The following CTTN variants were observed in gnomAD, a reference collection of about 807,000 sequenced individuals.
CTTN encodes src substrate cortactin.
CTTN carries 28 observed loss-of-function variants against 84.0 expected under a neutral mutation model. The observed-to-expected ratio is 0.33, with a 90% CI of 0.25 to 0.46. CTTN has a LOEUF of 0.46. Among genes scored for constraint, CTTN ranks in the 20% least tolerant of loss-of-function variants. The pLI, the probability that CTTN is intolerant of heterozygous loss-of-function variation, is 1.00. For missense variants in CTTN, 641 were observed against 723.8 expected, an observed-to-expected ratio of 0.89 and a Z score of 1.31; for synonymous variants, 301 against 288.8, an observed-to-expected ratio of 1.04 and a Z score of -0.43.
Position 70,435,474 on chromosome 11 carries a change from A to T in CTTN, c.*312A>T, listed in dbSNP as rs2058407250. 3.9e-6 allele frequency: 6 copies of T among 1,546,056 alleles called. No individual in the cohort carries two copies. In the East Asian group the frequency reaches 1.4e-4, roughly 37 times the overall value. ...TGACTGTCACGCGGCAGCTTCAGGG[A>T]GCTCGCATTCTCTTGTGTTCGTGTT... On this transcript the variant is annotated 3_prime_UTR_variant, in exon 18 of 18. Transcript: ENST00000301843.
chr11:70,435,762 C>T lies in CTTN; in HGVS notation c.*600C>T, dbSNP rs1052073172. On this transcript the variant is annotated 3_prime_UTR_variant, in exon 18 of 18. Coordinates refer to ENST00000301843, the MANE Select transcript of CTTN (RefSeq NM_005231.4). ...AGGATCAGGTGACTTCTAGCAGAGA[C>T]CCTGGTTTTTTTCCTGTGCCCACTC... 6.3e-7 allele frequency: 1 copy of T among 1,596,046 alleles called. No homozygotes were observed. Among genetic ancestry groups the T allele is most frequent in the Non-Finnish European group, 8.5e-7 (1 of 1,179,084 alleles).
rs771981193 is a variant in CTTN, at chr11:70,429,071, A to G, written c.1048A>G (p.Ile350Val). 3.1e-6 allele frequency: 5 copies of G among 1,614,122 alleles called. No individual in the cohort carries two copies. The highest frequency in any genetic ancestry group is 4.2e-6 in the Non-Finnish European group (5 of 1,180,056). Reference sequence around the variant, plus strand: ...TATAGTGACCAGCAAAACAAGTAACATCAGAGCTAACTTTGAAAACCTCGC... The same window carrying G: ...TATAGTGACCAGCAAAACAAGTAACGTCAGAGCTAACTTTGAAAACCTCGC... ...VEAVTSKTSN[I>V]RANFENLAKE... The change falls in exon 14 of 18, where the codon ATC (isoleucine) becomes GTC (valine). Residue 350 changes from isoleucine to valine, a missense_variant. Physicochemically the swap from Ile to Val is conservative, Grantham distance 29. This residue lies in a region of CTTN where 289 missense variants were observed against 273.1 expected (regional missense o/e 1.06). Coordinates refer to ENST00000301843, the MANE Select transcript of CTTN (RefSeq NM_005231.4).
intron 5 of CTTN, chr11:70,410,335 G>T: frequency 5.0e-6 from 1 of 200,232 alleles, no homozygotes; most frequent in Non-Finnish European, 1.0e-5. Context: ...GAAGACCAAA[G>T]TCAAATCTGT....
Position 70,435,802 on chromosome 11 carries a change from C to A in CTTN, c.*640C>A, listed in dbSNP as rs1320751798. On this transcript the variant is annotated 3_prime_UTR_variant, in exon 18 of 18. Transcript: ENST00000301843. ...TGTGCCCACTCCGGCTTGTCCTCAT[C>A]TCTACCCATCCCCTGATGCCCAGGT... 6.4e-7 allele frequency: 1 copy of A among 1,571,814 alleles called. No homozygotes were observed. The highest frequency in any genetic ancestry group is 8.6e-7 in the Non-Finnish European group (1 of 1,167,048).
intron 4 of CTTN, 174 bp downstream of exon 4, chr11:70,407,765 T>C (rs2058059645): frequency 1.7e-6 from 1 of 597,664 alleles, no homozygotes; most frequent in Non-Finnish European, 2.9e-6. Context: ...TGTGTATTTG[T>C]GTAATGTGTG....
At chr11:70,411,571 T>G (rs1400034141) in intron 5 of CTTN, among the ~76,000 whole-genome samples, 2 of 152,238 alleles carry the variant, frequency 1.3e-5, no homozygotes, top group African/African-American at 4.8e-5. Context: ...ACATTTATTC[T>G]AAAAATGGGG....
intron 6 of CTTN, 127 bp downstream of exon 6, chr11:70,414,779 G>A: frequency 1.5e-6 from 1 of 652,510 alleles, no homozygotes; most frequent in Non-Finnish European, 2.7e-6. Context: ...CTGCAGAGAG[G>A]GGCATCTGCC....
In CTTN at chr11:70,421,477, G is replaced by A; in HGVS notation, c.798G>A (p.Lys266=). Reference sequence around the variant, plus strand: ...TTGCTTGTGGATTTTCAGATTATAAGACTGGTTTTGGAGGCAAATTCGGTG... The same window carrying A: ...TTGCTTGTGGATTTTCAGATTATAAAACTGGTTTTGGAGGCAAATTCGGTG... ...LQLHESQKDY[K]TGFGGKFGVQ... is the part of the protein sequence containing the mutation. The change falls in exon 11 of 18, where the codon AAG becomes AAA. Residue 266 remains lysine (K), a synonymous_variant. Coordinates refer to ENST00000301843, the MANE Select transcript of CTTN (RefSeq NM_005231.4). The A allele has an allele frequency of 2.5e-6, 4 of 1,611,598 alleles. No individual in the cohort carries two copies. The highest frequency in any genetic ancestry group is 3.4e-6 in the Non-Finnish European group (4 of 1,177,696).
chr11:70,423,509 C>A (rs933511945), intron 12 of CTTN, among the ~76,000 whole-genome samples: 3 of 152,226 alleles, frequency 2.0e-5, no homozygotes, highest in African/African-American at 7.2e-5. Context: ...CCTTGCCTCG[C>A]AGCTGACCAC....
At chr11:70,410,954 G>A (rs530604464) in intron 5 of CTTN, among the ~76,000 whole-genome samples, 7 of 152,248 alleles carry the variant, frequency 4.6e-5, no homozygotes, top group South Asian at 2.1e-4. Flanking sequence ...GTGGTGGGCC[G>A]GCAGGGCACC....
chr11:70,409,567 T>C (rs934112549), intron 4 of CTTN, among the ~76,000 whole-genome samples: 4 of 152,184 alleles, frequency 2.6e-5, no homozygotes, highest in African/African-American at 9.6e-5. Context: ...TTAGCGGGGA[T>C]TTGGGATGAT....
In CTTN at chr11:70,435,782, C is replaced by G; in HGVS notation, c.*620C>G. On this transcript the variant is annotated 3_prime_UTR_variant, in exon 18 of 18. Transcript: ENST00000301843. ...AGAGACCCTGGTTTTTTTCCTGTGC[C>G]CACTCCGGCTTGTCCTCATCTCTAC... The G allele has an allele frequency of 6.3e-7, 1 of 1,589,724 alleles. No individual in the cohort carries two copies. The highest frequency in any genetic ancestry group is 8.5e-7 in the Non-Finnish European group (1 of 1,176,304).
intron 12 of CTTN, 27 bp downstream of exon 12, chr11:70,423,022 T>C (rs776268417): frequency 1.9e-6 from 3 of 1,613,504 alleles, no homozygotes; most frequent in East Asian, 4.5e-5. Flanking sequence ...CGGAGCTTAG[T>C]GTCTTCTGCC....
Position 70,407,330 on chromosome 11 carries a change from C to T in CTTN, c.33C>T (p.Ser11=), listed in dbSNP as rs1184898122. The T allele has an allele frequency of 2.6e-6, 4 of 1,556,874 alleles. No homozygotes were observed. The South Asian group carries it at 4.7e-5, about 18-fold the overall frequency. MWKASAGHAV[S]IAQDDAGADD... ...AAGCTTCAGCAGGCCACGCTGTGTC[C>T]ATCGCCCAGGATGACGCGGGGGCCG... The change falls in exon 3 of 18, where the codon TCC becomes TCT. Residue 11 remains serine, a synonymous_variant. Transcript: ENST00000301843.
intron 14 of CTTN, among the ~76,000 whole-genome samples, chr11:70,430,061 G>A (rs1337034475): frequency 1.3e-5 from 2 of 152,204 alleles, no homozygotes; most frequent in African/African-American, 4.8e-5. Context: ...TCCTGTTGGG[G>A]TCAAGCAAGG....
At chr11:70,426,129 C>A (rs938555383) in intron 13 of CTTN, among the ~76,000 whole-genome samples, 3 of 152,138 alleles carry the variant, frequency 2.0e-5, no homozygotes, top group Admixed American at 2.0e-4. Context: ...GGAATGTGGC[C>A]CGGCACAGTG....
chr11:70,411,563 A>G (rs679455), intron 5 of CTTN, among the ~76,000 whole-genome samples: 79,058 of 151,546 alleles, frequency 0.52, 22,666 homozygotes, highest in African/African-American at 0.77. Flanking sequence ...GCAGAGAGAC[A>G]TTTATTCTAA....
chr11:70,417,185 TTC>T, intron 8 of CTTN, 62 bp downstream of exon 8: 1 of 1,225,312 alleles, frequency 8.2e-7, no homozygotes, highest in East Asian at 2.3e-5. Flanking sequence ...CGAGGGCATT[TTC>T]TCTCTGCACA....
chr11:70,415,759 C>T, intron 7 of CTTN, 42 bp downstream of exon 7: 1 of 1,603,596 alleles, frequency 6.2e-7, no homozygotes, highest in Non-Finnish European at 8.5e-7. Context: ...TCCGGGGGCC[C>T]CGATGGGGAG....
Sources: gnomAD v4.1 joint callset for allele counts (sites outside exome capture counted in the v4.1 genomes callset) on GRCh38, gnomAD v4.1.1 for gene constraint, gnomAD v4.1.1 regional missense constraint, MANE v1.5 for transcripts, NCBI Gene and HGNC (gene_info 2026-07-23, HGNC 2026-07-21) for gene names.